The following BFSP2 variants were observed in gnomAD, a reference collection of about 807,000 sequenced individuals.
BFSP2 encodes the protein beaded filament structural protein 2, also known as phakinin.
Under a neutral mutation model 44.9 loss-of-function variants are expected in BFSP2, and 38 were observed. The observed-to-expected ratio is 0.85, with a 90% CI of 0.65 to 1.11. The LOEUF (loss-of-function observed/expected upper bound fraction) is 1.11, where lower values mean the gene tolerates loss of function less well. Ranked by LOEUF, BFSP2 falls within the 50% of genes least tolerant of loss-of-function variation. The pLI is 0.00. For missense variants in BFSP2, 525 were observed against 533.0 expected, an observed-to-expected ratio of 0.99 and a Z score of 0.15; for synonymous variants, 197 against 209.9, an observed-to-expected ratio of 0.94 and a Z score of 0.53.
chr3:133,419,036 C>A (rs1423240801), intron 1 of BFSP2, among the ~76,000 whole-genome samples: 3 of 152,184 alleles, frequency 2.0e-5, no homozygotes, highest in Non-Finnish European at 4.4e-5. Context: ...AGTCCAAGAT[C>A]AAGGTGTCAG....
chr3:133,400,474 G>A lies in BFSP2; in HGVS notation c.391G>A (p.Glu131Lys). The change falls in exon 1 of 7, where the codon GAG (glutamate) becomes AAG (lysine). Residue 131 changes from glutamate to lysine, a missense_variant. Transcript: ENST00000302334. The surrounding 1 kb of genome is among the most constrained non-coding windows in gnomAD (Gnocchi z 4.0). ...GCACGCCCTTGAGCAAGTCAGTCAG[G>A]AGCTGGAAACACAACTGCGGATGCA... The part of the protein sequence containing the change: ...KVHALEQVSQ[E>K]LETQLRMHLE... 6.2e-7 allele frequency: 1 copy of A among 1,614,024 alleles called. No individual in the cohort carries two copies. The highest frequency in any genetic ancestry group is 8.5e-7 in the Non-Finnish European group (1 of 1,180,038).
intron 1 of BFSP2, among the ~76,000 whole-genome samples, chr3:133,441,782 A>T (rs957386823): frequency 1.3e-5 from 2 of 152,246 alleles, no homozygotes; most frequent in African/African-American, 4.8e-5. Context: ...CAGATAAAAT[A>T]ATTTAAAAAC....
intron 1 of BFSP2, among the ~76,000 whole-genome samples, chr3:133,440,647 A>C (rs935897297): frequency 5.3e-5 from 8 of 151,980 alleles, no homozygotes; most frequent in African/African-American, 1.9e-4. Flanking sequence ...ACTTGGGGGG[A>C]CAGAGAGGCT....
At chr3:133,405,905 T>TC (rs2073399792) in intron 1 of BFSP2, among the ~76,000 whole-genome samples, 1 of 152,218 alleles carries the variant, frequency 6.6e-6, no homozygotes. Context: ...TGAGCCTGCT[T>TC]CCCAAGGGTC....
intron 1 of BFSP2, 112 bp from the exon 2 acceptor site, chr3:133,447,205 G>T: frequency 9.6e-7 from 1 of 1,036,402 alleles, no homozygotes; most frequent in South Asian, 1.3e-5. Context: ...TTTGCTGTAA[G>T]AAAGGTTCTC....
intron 4 of BFSP2, among the ~76,000 whole-genome samples, chr3:133,456,763 A>G (rs1195976777): frequency 6.6e-6 from 1 of 152,152 alleles, no homozygotes; most frequent in Admixed American, 6.5e-5. Context: ...AAATAAATAA[A>G]TAAATAAAGC....
chr3:133,465,861 C>T (rs1413115121), intron 4 of BFSP2, among the ~76,000 whole-genome samples: 2 of 152,176 alleles, frequency 1.3e-5, no homozygotes, highest in African/African-American at 2.4e-5. Context: ...TTCTCAAAGA[C>T]ATGCTCTTGT....
intron 1 of BFSP2, among the ~76,000 whole-genome samples, chr3:133,428,214 TCTC>T (rs777638644): frequency 9.9e-5 from 15 of 152,088 alleles, no homozygotes; most frequent in Admixed American, 6.5e-4. Context: ...AGCCTAGGGT[TCTC>T]TTGTGGGCCA....
At chr3:133,404,590 A>G (rs547693048) in intron 1 of BFSP2, among the ~76,000 whole-genome samples, 1 of 152,216 alleles carries the variant, frequency 6.6e-6, no homozygotes, top group Non-Finnish European at 1.5e-5. Context: ...CTGGATGCCT[A>G]TAAAGGTCTG....
chr3:133,413,028 A>G (rs994508006), intron 1 of BFSP2, among the ~76,000 whole-genome samples: 3 of 152,172 alleles, frequency 2.0e-5, no homozygotes, highest in African/African-American at 7.2e-5. Flanking sequence ...TAGAAAGTGG[A>G]GGGCAGACCC....
chr3:133,402,442 A>C (rs2073369498), intron 1 of BFSP2, among the ~76,000 whole-genome samples: 1 of 152,126 alleles, frequency 6.6e-6, no homozygotes, highest in Non-Finnish European at 1.5e-5. Flanking sequence ...AAGCTCTAAA[A>C]TCCTGTGAGA....
At chr3:133,431,485 A>G (rs992016300) in intron 1 of BFSP2, among the ~76,000 whole-genome samples, 8 of 151,662 alleles carry the variant, frequency 5.3e-5, no homozygotes, top group African/African-American at 1.9e-4. Flanking sequence ...TCTGTGCGGG[A>G]CCCCACTGGA....
intron 6 of BFSP2, 82 bp from the exon 7 acceptor site, chr3:133,474,887 C>T (rs918340939): frequency 5.8e-6 from 9 of 1,543,040 alleles, no homozygotes; most frequent in Middle Eastern, 1.7e-4. Flanking sequence ...CATGAGATGG[C>T]CCCCTTTCTC....
intron 1 of BFSP2, chr3:133,404,801 A>G (rs535751932): frequency 6.6e-6 from 1 of 152,198 alleles, no homozygotes; most frequent in Admixed American, 6.5e-5. Flanking sequence ...GTTAGGGTTC[A>G]TGCATATGAA....
intron 1 of BFSP2, among the ~76,000 whole-genome samples, chr3:133,438,995 C>A (rs1323181113): frequency 1.3e-5 from 2 of 152,172 alleles, no homozygotes; most frequent in South Asian, 2.1e-4. Context: ...TCTAGCTGAG[C>A]CACTTAGCAA....
Position 133,400,122 on chromosome 3 carries a change from T to A in BFSP2, c.39T>A (p.Ser13Arg). 1.9e-6 allele frequency: 3 copies of A among 1,614,120 alleles called. No homozygotes were observed. The highest frequency in any genetic ancestry group is 2.5e-6 in the Non-Finnish European group (3 of 1,180,012). Residue 13 changes from serine (S) to arginine (R), a missense_variant, in exon 1 of 7, where the codon AGT becomes AGA. Physicochemically the swap from Ser to Arg is moderately radical, Grantham distance 110 (BLOSUM62 -1). Coordinates refer to ENST00000302334, the MANE Select transcript of BFSP2 (RefSeq NM_003571.4). The surrounding 1 kb of genome is among the most constrained non-coding windows in gnomAD (Gnocchi z 4.0). ...ERRVVVDLPT[S>R]ASSSMPLQRR... ...GAGTGGTAGTGGACTTGCCCACCAG[T>A]GCCAGCTCCAGCATGCCCCTCCAGA...
chr3:133,469,128 A>C (rs769996910), intron 5 of BFSP2, among the ~76,000 whole-genome samples: 23 of 152,164 alleles, frequency 1.5e-4, no homozygotes, highest in Non-Finnish European at 3.1e-4. Context: ...CAACCAGAAA[A>C]CTTCAGAGTA....
At chr3:133,434,729 C>T (rs2073763759) in intron 1 of BFSP2, among the ~76,000 whole-genome samples, 1 of 152,176 alleles carries the variant, frequency 6.6e-6, no homozygotes, top group Non-Finnish European at 1.5e-5. Context: ...TTGTGAAAGT[C>T]CTTTTCCTGG....
chr3:133,429,620 A>G (rs1039371793), intron 1 of BFSP2: 1 of 152,200 alleles, frequency 6.6e-6, no homozygotes, highest in African/African-American at 2.4e-5. Flanking sequence ...TCCATCTGCA[A>G]CTTACTTTCT....
Sources: allele counts gnomAD v4.1 joint callset (sites outside exome capture counted in the v4.1 genomes callset), GRCh38; gene constraint gnomAD v4.1.1; non-coding constraint Gnocchi (gnomAD v3.1); transcripts MANE v1.5; gene names NCBI Gene and HGNC (gene_info 2026-07-23, HGNC 2026-07-21).